The following HAL variants were observed in gnomAD, a reference collection of about 807,000 sequenced individuals.
The protein encoded by HAL is histidine ammonia-lyase, also known as histidase.
HAL carries 85 observed loss-of-function variants against 81.1 expected under a neutral mutation model. The observed-to-expected ratio is 1.05, with a 90% CI of 0.88 to 1.25. HAL has a LOEUF of 1.25. Ranked by LOEUF, HAL falls within the 50% of genes most tolerant of loss-of-function variation. The pLI is 0.00. For synonymous variants in HAL, 301 were observed against 309.2 expected (o/e 0.97, Z 0.28); for missense variants, 798 against 836.6 (o/e 0.95, Z 0.57).
In HAL at chr12:95,992,682, T is replaced by C. The variant is rs1391049624; in HGVS notation, c.713A>G (p.Asn238Ser). ...CGTCTAGGGAGCCATTGCATTACCA[T>C]TAAACATTTCTATGACTTGTTTGAG... ...ETLKQVIEMF[N>S]ASCLPYVPEK... Residue 238 changes from asparagine (N) to serine (S), a missense_variant and splice_region_variant, in exon 9 of 21, where the codon AAT (asparagine) becomes AGT (serine). Physicochemically the swap from Asn to Ser is conservative, Grantham distance 46 (BLOSUM62 1). Transcript: ENST00000261208. 6.2e-7 allele frequency: 1 copy of C among 1,611,844 alleles called. No homozygotes were observed. Among genetic ancestry groups the C allele is most frequent in the Non-Finnish European group, 8.5e-7 (1 of 1,178,148 alleles).
intron 17 of HAL, 144 bp from the exon 18 acceptor site, chr12:95,978,222 G>A (rs2080747588): frequency 4.2e-6 from 3 of 718,654 alleles, no homozygotes; most frequent in Non-Finnish European, 7.3e-6. Flanking sequence ...ATGGTAGAAA[G>A]CTGCTTTGGG....
At chr12:95,993,395 G>T in intron 8 of HAL, 56 bp downstream of exon 8, 2 of 1,077,658 alleles carry the variant, frequency 1.9e-6, no homozygotes, top group Non-Finnish European at 2.9e-6. Flanking sequence ...ACACTGTGCT[G>T]TGCTTTATTC....
At chr12:95,977,816 G>T in intron 18 of HAL, 128 bp downstream of exon 18, 1 of 944,718 alleles carries the variant, frequency 1.1e-6, no homozygotes, top group Non-Finnish European at 1.7e-6. Context: ...CTGCAAGGAG[G>T]CCTGAGAGTC....
At chr12:95,977,670 A>C (rs1210236792) in intron 18 of HAL, among the ~76,000 whole-genome samples, 1 of 150,854 alleles carries the variant, frequency 6.6e-6, no homozygotes, top group Non-Finnish European at 1.5e-5. Context: ...AAGAGAAAAA[A>C]AAAGCCAGCC....
intron 2 of HAL, among the ~76,000 whole-genome samples, chr12:95,995,420 G>A (rs1181261325): frequency 6.6e-6 from 1 of 152,190 alleles, no homozygotes; most frequent in East Asian, 1.9e-4. Context: ...ACTAGCTGCT[G>A]GAGTCTGGGT....
intron 20 of HAL, 151 bp from the exon 21 acceptor site, chr12:95,974,523 A>T (rs534474888): frequency 1.4e-6 from 1 of 735,928 alleles, no homozygotes; most frequent in African/African-American, 1.7e-5. Context: ...CATTTGACAC[A>T]TGACCTGTGT....
At chr12:95,993,703 T>C in intron 7 of HAL, 69 bp downstream of exon 7, 1 of 970,760 alleles carries the variant, frequency 1.0e-6, no homozygotes. Flanking sequence ...GTGAATTATT[T>C]CCCTTGTTGA....
At chr12:95,986,043 A>C (rs1949882959) in intron 13 of HAL, 22 bp downstream of exon 13, 5 of 1,572,962 alleles carry the variant, frequency 3.2e-6, no homozygotes, top group Non-Finnish European at 4.4e-6. Context: ...CAAATAGGTC[A>C]CTCCCATAAA....
chr12:95,987,029 T>C (rs1565990597), intron 12 of HAL, 38 bp downstream of exon 12: 2 of 1,583,556 alleles, frequency 1.3e-6, no homozygotes, highest in South Asian at 1.1e-5. Context: ...CCACCTCTGG[T>C]TGAATGAATA....
In HAL at chr12:95,980,721, C is replaced by A. The variant is rs368169258; in HGVS notation, c.1354G>T (p.Ala452Ser). 10 of 1,613,510 alleles carry A rather than the reference C, an allele frequency of 6.2e-6. No individual in the cohort carries two copies. The Admixed American group carries it at 1.0e-4, about 16-fold the overall frequency. ...GNFHGEYPAK[A>S]LDYLAIGIHE... ...ATGCCAATGGCCAAGTAGTCTAGGG[C>A]CTGAAAGAGGGTCTCCATTTAGTCA... Residue 452 changes from alanine to serine, a missense_variant and splice_region_variant, in exon 17 of 21, where the codon GCC becomes TCC. Physicochemically the swap from Ala to Ser is moderately conservative, Grantham distance 99. Transcript: ENST00000261208.
intron 17 of HAL, among the ~76,000 whole-genome samples, chr12:95,979,802 G>A (rs1362355124): frequency 6.6e-6 from 1 of 152,122 alleles, no homozygotes; most frequent in African/African-American, 2.4e-5. Context: ...CAAAATTCAG[G>A]GTTTGAATTC....
Position 95,993,326 on chromosome 12 carries a change from C to T in HAL, c.589+125G>A, listed in dbSNP as rs374862481. The T allele has an allele frequency of 8.3e-5, 64 of 772,280 alleles. 1 individual carries two copies. Among genetic ancestry groups the T allele is most frequent in the Middle Eastern group, 4.5e-4 (2 of 4,446 alleles). The allele number at this position is 772,280 out of a possible 1,614,324, so 47.8% of individuals were successfully genotyped here. A position where few individuals can be genotyped will look rare whatever the true frequency, so the allele number is the denominator to read the frequency against. On this transcript the variant is annotated intron_variant, in intron 8 of 20. Coordinates refer to ENST00000261208, the MANE Select transcript of HAL (RefSeq NM_002108.4). The stretch of plus-strand genomic sequence containing the variant: ...TCTGCATCCCTTCTCACCTCGGCAC[C>T]TAGTTCTTGAAATGCTGTTTTGAGA...
chr12:95,995,236 A>G, intron 2 of HAL: 1 of 596,728 alleles, frequency 1.7e-6, no homozygotes. Flanking sequence ...TTCCACTTCC[A>G]TCCCCATTCC....
intron 10 of HAL, among the ~76,000 whole-genome samples, chr12:95,988,513 C>T (rs529424403): frequency 6.6e-6 from 1 of 152,278 alleles, no homozygotes; most frequent in African/African-American, 2.4e-5. Flanking sequence ...TTTCTACGTC[C>T]TTCGTGTTCA....
At position 95,995,978 on chromosome 12, in the gene HAL, C is replaced by T. The variant is rs565607247; in HGVS notation, c.-68G>A. 2.9e-3 allele frequency: 4,401 copies of T among 1,535,234 alleles called. 10 individuals carry two copies. The highest frequency in any genetic ancestry group is 3.4e-3 in the Non-Finnish European group (3,865 of 1,125,998). ...GAGAGCTTTATGCAGGAGTGGCTAC[C>T]GGGGTGTGGTCAGCTGGAAGGATGA... is the stretch of plus-strand genomic sequence containing the variant. On this transcript the variant is annotated 5_prime_UTR_variant, in exon 2 of 21. Transcript: ENST00000261208.
chr12:95,982,248 A>T (rs1159889303), intron 15 of HAL, among the ~76,000 whole-genome samples: 1 of 152,228 alleles, frequency 6.6e-6, no homozygotes, highest in African/African-American at 2.4e-5. Flanking sequence ...AGGTAACAGC[A>T]GTATTGCAAG....
chr12:95,993,809 T>TC lies in HAL; in HGVS notation c.513dup (p.Lys172GlufsTer11). 1 of 1,582,320 alleles carries TC rather than the reference T, an allele frequency of 6.3e-7. No individual in the cohort carries two copies. Among genetic ancestry groups the TC allele is most frequent in the Non-Finnish European group, 8.7e-7 (1 of 1,151,114 alleles). ...ATAGGAATTACAGTTCTGGCAAATT[T>TC]CCCAAAACCTGTAGTAATACCGTAA... On this transcript the variant is annotated frameshift_variant, in exon 7 of 21. Transcript: ENST00000261208. LOFTEE classifies it high-confidence loss of function.
At chr12:95,987,862 C>T (rs1949913723) in intron 11 of HAL, among the ~76,000 whole-genome samples, 1 of 150,136 alleles carries the variant, frequency 6.7e-6, no homozygotes, top group Non-Finnish European at 1.5e-5. Context: ...GTGTGCGCCA[C>T]CATGCCTGGC....
intron 17 of HAL, 129 bp from the exon 18 acceptor site, chr12:95,978,207 A>G: frequency 1.3e-6 from 1 of 760,534 alleles, no homozygotes. Context: ...TTATCCAAGC[A>G]CCTGATGGTA....
Sources: allele counts gnomAD v4.1 joint callset (sites outside exome capture counted in the v4.1 genomes callset), GRCh38; gene constraint gnomAD v4.1.1; transcripts MANE v1.5; gene names NCBI Gene and HGNC (gene_info 2026-07-23, HGNC 2026-07-21).